Variants in MYOM2 observed in about 807,000 individuals in gnomAD.
MYOM2 encodes myomesin 2, also known as myomesin-2.
Under a neutral mutation model 187.6 loss-of-function variants are expected in MYOM2, and 254 were observed. The ratio of observed to expected loss-of-function variants is 1.35; its 90% confidence interval spans 1.22 to 1.50. MYOM2 has a LOEUF of 1.50. MYOM2 is among the 40% of genes most tolerant of loss of function. The pLI is 0.00. For synonymous variants in MYOM2, 981 were observed against 753.8 expected (o/e 1.30, Z -4.94); for missense variants, 2,796 against 1,924.0 (o/e 1.45, Z -8.48).
In MYOM2 at chr8:2,116,243, A is replaced by G; in HGVS notation, c.3353A>G (p.Glu1118Gly). The G allele has an allele frequency of 6.2e-7, 1 of 1,612,874 alleles. No individual in the cohort carries two copies. The highest frequency in any genetic ancestry group is 1.1e-5 in the South Asian group (1 of 90,752). ...DAFKTVLEEAEFQRKEFLRKQ... is the reference protein window; with the variant it reads ...DAFKTVLEEAGFQRKEFLRKQ... ...TTCAAGACTGTGCTGGAAGAGGCTG[A>G]GTTTCAAAGGAAAGAATTTCTCAGG... The change falls in exon 27 of 37, where the codon GAG (glutamate) becomes GGG (glycine). Residue 1118 changes from glutamate to glycine, a missense_variant. By Grantham distance (98) the Glu-to-Gly change is moderately conservative (BLOSUM62 -2). Coordinates refer to ENST00000262113, the MANE Select transcript of MYOM2 (RefSeq NM_003970.4).
chr8:2,116,612 C>G (rs1797253377), intron 27 of MYOM2, among the ~76,000 whole-genome samples: 2 of 152,324 alleles, frequency 1.3e-5, no homozygotes, highest in South Asian at 4.1e-4. Flanking sequence ...ATTGCTCATT[C>G]TACTTAAGAT....
intron 19 of MYOM2, among the ~76,000 whole-genome samples, chr8:2,100,085 T>TTTCCTTCCTTCTTTCC (rs1796639508): frequency 7.1e-5 from 4 of 56,120 alleles, no homozygotes; most frequent in African/African-American, 2.4e-4. Context: ...TCCTTTCTTC[T>TTTCCTTCCTTCTTTCC]TTCCTTCCTT....
intron 8 of MYOM2, among the ~76,000 whole-genome samples, chr8:2,070,110 T>C (rs1819162272): frequency 6.6e-6 from 1 of 152,168 alleles, no homozygotes; most frequent in Non-Finnish European, 1.5e-5. Context: ...GGGTGACCCA[T>C]GCTGGGTGAG....
chr8:2,051,712 G>A (rs1043502151), intron 2 of MYOM2, among the ~76,000 whole-genome samples: 1 of 152,222 alleles, frequency 6.6e-6, no homozygotes, highest in Admixed American at 6.5e-5. Flanking sequence ...TGGCTCTGAA[G>A]GGAGGTGGCA....
chr8:2,082,716 G>A (rs1291188311), intron 13 of MYOM2, among the ~76,000 whole-genome samples: 1 of 152,188 alleles, frequency 6.6e-6, no homozygotes, highest in Non-Finnish European at 1.5e-5. Context: ...TTACTCTACT[G>A]TTCTACTGTG....
chr8:2,097,619 A>G (rs1168018937), intron 18 of MYOM2, among the ~76,000 whole-genome samples: 2 of 152,036 alleles, frequency 1.3e-5, no homozygotes, highest in Non-Finnish European at 2.9e-5. Context: ...GGTTCAAGCA[A>G]TTCTCCTGCC....
chr8:2,106,277 G>T lies in MYOM2; in HGVS notation c.2770G>T (p.Gly924Cys), dbSNP rs566969575. 3.7e-5 allele frequency: 60 copies of T among 1,614,150 alleles called. 1 individual carries two copies. The South Asian group carries it at 5.9e-4, about 16-fold the overall frequency. Residue 924 changes from glycine (G) to cysteine (C), a missense_variant, in exon 22 of 37, where the codon GGC (glycine) becomes TGC (cysteine). By Grantham distance (159) the Gly-to-Cys change is radical. Coordinates refer to ENST00000262113, the MANE Select transcript of MYOM2 (RefSeq NM_003970.4). ...KEISAGVDEQGNIYLGFDCQE... is the reference protein window; with the variant it reads ...KEISAGVDEQCNIYLGFDCQE... ...AATCAGTGCTGGTGTCGATGAACAA[G>T]GCAACATCTATCTGGGCTTCGACTG...
intron 6 of MYOM2, among the ~76,000 whole-genome samples, chr8:2,063,597 G>A (rs940080411): frequency 1.3e-5 from 2 of 152,226 alleles, no homozygotes; most frequent in African/African-American, 2.4e-5. Flanking sequence ...TTTGCTGAGT[G>A]ATTTTAGGGT....
At chr8:2,116,372 AC>A in intron 27 of MYOM2, 97 bp downstream of exon 27, 1 of 1,194,708 alleles carries the variant, frequency 8.4e-7, no homozygotes, top group Non-Finnish European at 1.2e-6. Flanking sequence ...ATCCCAAGCA[AC>A]CCTAAAGGCT....
At chr8:2,106,902 A>G (rs117594539) in intron 23 of MYOM2, among the ~76,000 whole-genome samples, 7 of 152,320 alleles carry the variant, frequency 4.6e-5, no homozygotes, top group Non-Finnish European at 8.8e-5. Flanking sequence ...CATATTAACT[A>G]AGAAATCCAT....
chr8:2,118,470 A>T (rs1265769485), intron 28 of MYOM2, among the ~76,000 whole-genome samples: 2 of 152,230 alleles, frequency 1.3e-5, no homozygotes, highest in African/African-American at 4.8e-5. Flanking sequence ...GAAAAAGATC[A>T]ATAATGCATT....
intron 31 of MYOM2, chr8:2,127,964 G>A (rs1431625640): frequency 6.6e-6 from 1 of 152,144 alleles, no homozygotes; most frequent in African/African-American, 2.4e-5. Context: ...TTCTATTTTG[G>A]TTTCTATTTC....
chr8:2,085,008 T>A, intron 13 of MYOM2: 1 of 454,440 alleles, frequency 2.2e-6, no homozygotes, highest in Admixed American at 3.9e-5. Flanking sequence ...ACAGAATCTC[T>A]GGAAGACTTT....
intron 34 of MYOM2, among the ~76,000 whole-genome samples, chr8:2,141,877 C>G (rs1798284211): frequency 6.6e-6 from 1 of 152,158 alleles, no homozygotes; most frequent in Non-Finnish European, 1.5e-5. Flanking sequence ...GCACATCACA[C>G]ACAGCAACTT....
At chr8:2,143,126 C>A (rs1309982410) in intron 35 of MYOM2, among the ~76,000 whole-genome samples, 2 of 152,148 alleles carry the variant, frequency 1.3e-5, no homozygotes, top group Non-Finnish European at 2.9e-5. Context: ...TCGGTGAATT[C>A]TTCACCCTTC....
chr8:2,046,103 T>A (rs1818303452), intron 1 of MYOM2, among the ~76,000 whole-genome samples: 2 of 152,174 alleles, frequency 1.3e-5, no homozygotes, highest in Admixed American at 1.3e-4. Context: ...TGTCTGGGAG[T>A]CCCTTTCCCC....
At chr8:2,049,335 C>T (rs955673948) in intron 1 of MYOM2, among the ~76,000 whole-genome samples, 3 of 152,148 alleles carry the variant, frequency 2.0e-5, no homozygotes, top group East Asian at 1.9e-4. Context: ...TTCTGGCCCT[C>T]GTGTCCTGTT....
intron 31 of MYOM2, among the ~76,000 whole-genome samples, chr8:2,125,051 T>C (rs561072204): frequency 7.1e-4 from 108 of 152,258 alleles, no homozygotes; most frequent in African/African-American, 2.4e-3. Context: ...CTTCCTTTTG[T>C]CAATTGTTTT....
In MYOM2 at chr8:2,073,366, C is replaced by A; in HGVS notation, c.986C>A (p.Thr329Lys). 1.2e-6 allele frequency: 2 copies of A among 1,612,358 alleles called. No homozygotes were observed. Among genetic ancestry groups the A allele is most frequent in the Non-Finnish European group, 8.5e-7 (1 of 1,179,022 alleles). ...GTGCTGTTGAAAGAGTCCAAGTGGA[C>A]GAAGATGTTCTTTGGAGAAGGCCAG... Reference protein sequence around the residue: ...DDVLLKESKWTKMFFGEGQAS... With the variant: ...DDVLLKESKWKKMFFGEGQAS... The change falls in exon 10 of 37, where the codon ACG (threonine) becomes AAG (lysine). Residue 329 changes from threonine to lysine, a missense_variant. Physicochemically the swap from Thr to Lys is moderately conservative, Grantham distance 78. Transcript: ENST00000262113.
Sources: gnomAD v4.1 joint callset for allele counts (sites outside exome capture counted in the v4.1 genomes callset) on GRCh38, gnomAD v4.1.1 for gene constraint, MANE v1.5 for transcripts, NCBI Gene and HGNC (gene_info 2026-07-23, HGNC 2026-07-21) for gene names.